DNAJC1: variants seen among roughly 807,000 people sequenced by gnomAD.
DNAJC1 encodes the protein DnaJ heat shock protein family (Hsp40) member C1.
In DNAJC1, 58 loss-of-function variants were observed where a neutral mutation model predicts 76.6. The observed-to-expected ratio is 0.76, with a 90% confidence interval of 0.61 to 0.94. DNAJC1 has a LOEUF of 0.94. DNAJC1 is among the 40% of genes least tolerant of loss of function. The pLI, the probability that DNAJC1 is intolerant of heterozygous loss-of-function variation, is 0.00. For missense variants in DNAJC1, 689 were observed against 677.3 expected (o/e 1.02, Z -0.19); for synonymous variants, 258 against 267.9 (o/e 0.96, Z 0.36).
chr10:21,758,409 C>G (rs1203649117), intron 11 of DNAJC1, among the ~76,000 whole-genome samples: 1 of 152,202 alleles, frequency 6.6e-6, no homozygotes, highest in African/African-American at 2.4e-5. Flanking sequence ...ATGGCCAGAT[C>G]ACAGGAAAGA....
In DNAJC1 at chr10:22,003,642, G is replaced by A. The variant is rs1838566727; in HGVS notation, c.-208C>T. The A allele has an allele frequency of 8.4e-6, 4 of 473,590 alleles. No homozygotes were observed. The highest frequency in any genetic ancestry group is 1.4e-5 in the Non-Finnish European group (4 of 295,414). 29.3% of individuals were successfully genotyped at this position (473,590 alleles called of 1,614,324 possible). On this transcript the variant is annotated 5_prime_UTR_variant, in exon 1 of 12. Transcript: ENST00000376980. ...GACGGGCGGGTGGGTAGGCGGGCGGGGCCGCAGCCAGCGCTACGTTCCGAA... is the reference window on the plus strand; with the variant it reads ...GACGGGCGGGTGGGTAGGCGGGCGGAGCCGCAGCCAGCGCTACGTTCCGAA...
At chr10:21,813,274 G>C (rs1002904651) in intron 8 of DNAJC1, among the ~76,000 whole-genome samples, 1 of 133,188 alleles carries the variant, frequency 7.5e-6, no homozygotes, top group Non-Finnish European at 1.6e-5. Context: ...GCTCTTTCTT[G>C]GGTTACTTGT....
In DNAJC1 at chr10:21,821,024, G is replaced by T. The variant is rs376403690; in HGVS notation, c.979-14925C>A. The stretch of plus-strand genomic sequence containing the variant: ...AAGATTGACAATCATGCAAAAATGG[G>T]ATTAGATAAAAAGATCTTATACTAA... On this transcript the variant is annotated intron_variant, in intron 8 of 11. Transcript: ENST00000376980. Among the ~76,000 whole-genome samples the T allele has an allele frequency of 3.1e-4, 47 of 152,276 alleles. 1 individual carries two copies. In the East Asian group the frequency reaches 8.1e-3, roughly 26 times the overall value.
intron 9 of DNAJC1, among the ~76,000 whole-genome samples, chr10:21,766,802 T>C (rs114979970): frequency 1.3e-5 from 2 of 151,722 alleles, no homozygotes; most frequent in Non-Finnish European, 2.9e-5. Context: ...GAAACCCCGT[T>C]TCTATGAAAA....
At chr10:21,785,224 A>C (rs1403677684) in intron 9 of DNAJC1, 3 of 152,202 alleles carry the variant, frequency 2.0e-5, no homozygotes, top group African/African-American at 7.2e-5. Context: ...AAGCTGCATT[A>C]CTGCCAATTT....
chr10:21,974,664 G>A (rs993521978), intron 1 of DNAJC1, among the ~76,000 whole-genome samples: 5 of 152,068 alleles, frequency 3.3e-5, no homozygotes, highest in Non-Finnish European at 5.9e-5. Context: ...CACTGCCTTC[G>A]TTACCTGCTG....
chr10:21,917,076 C>G (rs1417357304), intron 6 of DNAJC1, among the ~76,000 whole-genome samples: 1 of 151,824 alleles, frequency 6.6e-6, no homozygotes. Flanking sequence ...ACCGAAAGGC[C>G]AGCAGATACC....
Position 21,766,287 on chromosome 10 carries a change from A to C in DNAJC1, c.1121T>G (p.Leu374Arg), listed in dbSNP as rs1306848301. 1 of 1,613,950 alleles carries C rather than the reference A, an allele frequency of 6.2e-7. No individual in the cohort carries two copies. Among genetic ancestry groups the C allele is most frequent in the Admixed American group, 1.7e-5 (1 of 60,030 alleles). ...VTDVTTKAKQ[L>R]KDSVTCSPGM... ...TGGGGAGCAGGTCACTGAATCCTTC[A>C]GTTGCTTGGCTTTGGTTGTCACCTG... The change falls in exon 10 of 12, where the codon CTG (leucine) becomes CGG (arginine). Residue 374 changes from leucine to arginine, a missense_variant. Transcript: ENST00000376980.
chr10:21,996,917 C>A (rs930515316), intron 1 of DNAJC1, among the ~76,000 whole-genome samples: 1 of 152,080 alleles, frequency 6.6e-6, no homozygotes, highest in African/African-American at 2.4e-5. Flanking sequence ...TCAGCTCTAA[C>A]GCTATGCATG....
At chr10:21,811,197 G>C (rs2131645478) in intron 8 of DNAJC1, among the ~76,000 whole-genome samples, 1 of 152,254 alleles carries the variant, frequency 6.6e-6, no homozygotes, top group Non-Finnish European at 1.5e-5. Flanking sequence ...GCAAGGCCTT[G>C]GTTGTATTTC....
intron 9 of DNAJC1, among the ~76,000 whole-genome samples, chr10:21,782,964 G>A (rs1834552713): frequency 6.6e-6 from 1 of 152,116 alleles, no homozygotes; most frequent in Admixed American, 6.5e-5. Flanking sequence ...GACAAAAACT[G>A]GAAGCATTCC....
chr10:21,973,959 G>A (rs905211187), intron 1 of DNAJC1, among the ~76,000 whole-genome samples: 5 of 151,454 alleles, frequency 3.3e-5, no homozygotes, highest in African/African-American at 1.2e-4. Context: ...AAAATCGGCC[G>A]GACCTGGAGG....
intron 3 of DNAJC1, among the ~76,000 whole-genome samples, chr10:21,925,956 T>TA (rs1239719463): frequency 1.7e-4 from 26 of 152,190 alleles, no homozygotes; most frequent in African/African-American, 6.0e-4. Flanking sequence ...ATAAGGATGT[T>TA]AAAAAATCAA....
At chr10:21,861,115 AG>A (rs1279200840) in intron 8 of DNAJC1, among the ~76,000 whole-genome samples, 2 of 152,188 alleles carry the variant, frequency 1.3e-5, no homozygotes, top group Non-Finnish European at 2.9e-5. Context: ...ATGAATTTTG[AG>A]GAGATAAAAT....
chr10:21,996,219 T>A (rs182692944), intron 1 of DNAJC1, among the ~76,000 whole-genome samples: 15 of 152,308 alleles, frequency 9.8e-5, no homozygotes, highest in Admixed American at 7.8e-4. Context: ...TGGAATTAAC[T>A]GGTATCATTA....
intron 4 of DNAJC1, 162 bp downstream of exon 4, chr10:21,920,636 G>C (rs564371259): frequency 1.8e-6 from 1 of 561,852 alleles, no homozygotes; most frequent in East Asian, 3.5e-5. Context: ...TTATTTCATG[G>C]GTTCTTCTTG....
chr10:21,810,636 C>T (rs954334756), intron 8 of DNAJC1, among the ~76,000 whole-genome samples: 5 of 152,158 alleles, frequency 3.3e-5, no homozygotes, highest in Non-Finnish European at 5.9e-5. Context: ...ACAGTTAATA[C>T]AGCCAGATGT....
chr10:22,002,435 T>C (rs1470720589), intron 1 of DNAJC1, among the ~76,000 whole-genome samples: 1 of 152,098 alleles, frequency 6.6e-6, no homozygotes, highest in Non-Finnish European at 1.5e-5. Context: ...CAAGTTAATG[T>C]CTTAAGCTAT....
chr10:21,921,420 T>C (rs555473579), intron 3 of DNAJC1, among the ~76,000 whole-genome samples: 8 of 152,174 alleles, frequency 5.3e-5, no homozygotes, highest in African/African-American at 1.7e-4. Flanking sequence ...AGTGCTTTTA[T>C]GTCTACCCCT....
Sources: gnomAD v4.1 joint callset for allele counts (sites outside exome capture counted in the v4.1 genomes callset) on GRCh38, gnomAD v4.1.1 for gene constraint, MANE v1.5 for transcripts, NCBI Gene and HGNC (gene_info 2026-07-23, HGNC 2026-07-21) for gene names.